The following CCDC178 variants were observed in gnomAD, a reference collection of about 807,000 sequenced individuals.
CCDC178 encodes coiled-coil domain-containing protein 178.
In CCDC178, 126 loss-of-function variants were observed where a neutral mutation model predicts 117.4. The ratio of observed to expected loss-of-function variants is 1.07; its 90% CI spans 0.93 to 1.24. The LOEUF (loss-of-function observed/expected upper bound fraction) is 1.24, where lower values mean the gene tolerates loss of function less well. Among genes scored for constraint, CCDC178 ranks in the 50% most tolerant of loss-of-function variants. The pLI, the probability that CCDC178 is intolerant of heterozygous loss-of-function variation, is 0.00. For missense variants in CCDC178, 1,030 were observed against 986.9 expected, an observed-to-expected ratio of 1.04 and a Z score of -0.59; for synonymous variants, 283 against 313.4, an observed-to-expected ratio of 0.90 and a Z score of 1.02.
chr18:33,256,651 A>G (rs1256607392), intron 14 of CCDC178, among the ~76,000 whole-genome samples: 1 of 152,060 alleles, frequency 6.6e-6, no homozygotes, highest in East Asian at 1.9e-4. Context: ...ATCTTTTTGA[A>G]TACTGCTTTC....
intron 12 of CCDC178, among the ~76,000 whole-genome samples, chr18:33,269,801 A>G (rs1031353843): frequency 6.6e-6 from 1 of 151,878 alleles, no homozygotes; most frequent in Non-Finnish European, 1.5e-5. Flanking sequence ...GTATAAATAC[A>G]TTGTATTTAA....
In CCDC178 at chr18:33,020,943, A is replaced by G. The variant is rs376884491; in HGVS notation, c.2389-46262T>C. ...ACTACAGCCATCACATGAAGAAATG[A>G]GAGTTGGACATATATATTTGTGAGG... is the stretch of plus-strand genomic sequence containing the variant. On this transcript the variant is annotated intron_variant, in intron 21 of 22. Coordinates refer to ENST00000383096, the MANE Select transcript of CCDC178 (RefSeq NM_001105528.4). Among the ~76,000 whole-genome samples the G allele has an allele frequency of 2.6e-5, 4 of 152,324 alleles. No individual in the cohort carries two copies. The East Asian group carries it at 7.7e-4, about 29-fold the overall frequency.
chr18:33,341,679 C>T (rs767779676), intron 9 of CCDC178, among the ~76,000 whole-genome samples: 3 of 152,142 alleles, frequency 2.0e-5, no homozygotes, highest in Non-Finnish European at 4.4e-5. Flanking sequence ...ACTTTTACTT[C>T]TTCCTCATTT....
intron 21 of CCDC178, among the ~76,000 whole-genome samples, chr18:33,021,977 A>G (rs1241398403): frequency 1.3e-5 from 2 of 152,200 alleles, no homozygotes; most frequent in Non-Finnish European, 2.9e-5. Flanking sequence ...AGCAATAGGT[A>G]TATAATTTCC....
chr18:33,422,233 T>C (rs1259557806), intron 2 of CCDC178, among the ~76,000 whole-genome samples: 3 of 152,166 alleles, frequency 2.0e-5, no homozygotes, highest in Non-Finnish European at 4.4e-5. Context: ...CATTCTTTTC[T>C]TTTCTACCCC....
chr18:33,433,005 G>T lies in CCDC178; in HGVS notation c.-23+6957C>A, dbSNP rs1037382818. Among the ~76,000 whole-genome samples, 3 of 152,100 alleles carry T rather than the reference G, an allele frequency of 2.0e-5. No individual in the cohort carries two copies. In the East Asian group the frequency reaches 5.8e-4, roughly 29 times the overall value. Reference sequence around the variant, plus strand: ...ATTACAAAGAAATTACTCAGTGTTTGTTAACATTAGTTTAGAAATTTTAAC... The same window carrying T: ...ATTACAAAGAAATTACTCAGTGTTTTTTAACATTAGTTTAGAAATTTTAAC... On this transcript the variant is annotated intron_variant, in intron 2 of 22. Coordinates refer to ENST00000383096, the MANE Select transcript of CCDC178 (RefSeq NM_001105528.4).
intron 20 of CCDC178, among the ~76,000 whole-genome samples, chr18:33,180,673 T>C (rs2058723771): frequency 6.6e-6 from 1 of 152,038 alleles, no homozygotes; most frequent in South Asian, 2.1e-4. Flanking sequence ...ATAAGCTACA[T>C]TAGCAACAAA....
intron 3 of CCDC178, among the ~76,000 whole-genome samples, chr18:33,409,954 C>G (rs2063828929): frequency 1.3e-5 from 2 of 152,184 alleles, no homozygotes; most frequent in Non-Finnish European, 2.9e-5. Context: ...ATTTCTTATG[C>G]ATTTACAGAT....
intron 21 of CCDC178, among the ~76,000 whole-genome samples, chr18:33,053,066 G>A (rs985366770): frequency 6.6e-6 from 1 of 152,162 alleles, no homozygotes; most frequent in African/African-American, 2.4e-5. Flanking sequence ...AGAATAATAA[G>A]TGCATGCACT....
chr18:33,034,643 C>T (rs1164535074), intron 21 of CCDC178, among the ~76,000 whole-genome samples: 1 of 152,002 alleles, frequency 6.6e-6, no homozygotes, highest in East Asian at 1.9e-4. Context: ...GGCTGATTGG[C>T]ATGCCCCTCT....
At position 33,323,769 on chromosome 18, in the gene CCDC178, G is replaced by A. The variant is rs373906242; in HGVS notation, c.880-136C>T. On this transcript the variant is annotated intron_variant, in intron 10 of 22. Transcript: ENST00000383096. ...CTTCCCACATTTAGCCTATGGTTTGGTAAGTGGAATTTCAGCCCTGACAGG... is the reference window on the plus strand; with the variant it reads ...CTTCCCACATTTAGCCTATGGTTTGATAAGTGGAATTTCAGCCCTGACAGG... 7 of 498,030 alleles carry A rather than the reference G, an allele frequency of 1.4e-5. No individual in the cohort carries two copies. In the East Asian group the frequency reaches 1.8e-4, roughly 12 times the overall value. 30.9% of individuals were successfully genotyped at this position (498,030 alleles called of 1,614,324 possible).
chr18:33,304,890 C>A (rs2062227830), intron 11 of CCDC178, among the ~76,000 whole-genome samples: 1 of 152,162 alleles, frequency 6.6e-6, no homozygotes, highest in Non-Finnish European at 1.5e-5. Context: ...GTTCATTTCC[C>A]ATTTCCAGAA....
chr18:32,945,755 G>A (rs1680281224), intron 22 of CCDC178, among the ~76,000 whole-genome samples: 1 of 152,026 alleles, frequency 6.6e-6, no homozygotes, highest in Admixed American at 6.6e-5. Flanking sequence ...TATTGCTGAT[G>A]TTTGTGTCTT....
intron 21 of CCDC178, among the ~76,000 whole-genome samples, chr18:32,987,596 C>T (rs554078408): frequency 7.9e-5 from 12 of 152,074 alleles, no homozygotes; most frequent in South Asian, 6.2e-4. Context: ...CTTAAGCATA[C>T]GGAAACATTA....
intron 20 of CCDC178, among the ~76,000 whole-genome samples, chr18:33,192,721 C>T (rs956567204): frequency 6.7e-6 from 1 of 149,984 alleles, no homozygotes; most frequent in Non-Finnish European, 1.5e-5. Flanking sequence ...GCCAACATGG[C>T]GAAACCCCGT....
intron 11 of CCDC178, among the ~76,000 whole-genome samples, chr18:33,295,754 C>T (rs529948961): frequency 6.6e-6 from 1 of 152,086 alleles, no homozygotes; most frequent in Non-Finnish European, 1.5e-5. Context: ...TACAAACTTA[C>T]TAGTCCAGGC....
In CCDC178 at chr18:33,159,089, C is replaced by T. The variant is rs542103841; in HGVS notation, c.2238+52807G>A. On this transcript the variant is annotated intron_variant, in intron 20 of 22. Coordinates refer to ENST00000383096, the MANE Select transcript of CCDC178 (RefSeq NM_001105528.4). ...TGAATAAACAACAGATTCTGCAATA[C>T]GGAATAATAGAGGCCATGTGATTAA... Among the ~76,000 whole-genome samples the T allele has an allele frequency of 3.4e-4, 51 of 151,976 alleles. No individual in the cohort carries two copies. The East Asian group carries it at 7.4e-3, about 22-fold the overall frequency.
intron 21 of CCDC178, among the ~76,000 whole-genome samples, chr18:32,985,012 T>G (rs2055233503): frequency 6.6e-6 from 1 of 151,930 alleles, no homozygotes; most frequent in African/African-American, 2.4e-5. Context: ...TTTATAGTCT[T>G]CTGAGACCCA....
intron 20 of CCDC178, among the ~76,000 whole-genome samples, chr18:33,121,595 G>GT (rs1160266150): frequency 2.6e-5 from 4 of 151,998 alleles, no homozygotes; most frequent in South Asian, 2.1e-4. Flanking sequence ...ATAGGCTTTT[G>GT]TTTTTTTGGA....
Sources: gnomAD v4.1 joint callset for allele counts (sites outside exome capture counted in the v4.1 genomes callset) on GRCh38, gnomAD v4.1.1 for gene constraint, MANE v1.5 for transcripts, NCBI Gene and HGNC (gene_info 2026-07-23, HGNC 2026-07-21) for gene names.